The following ORC3 variants were observed in gnomAD, a reference collection of about 807,000 sequenced individuals.
ORC3 encodes the protein homolog of latheo, Drosophila.
ORC3 carries 78 observed loss-of-function variants against 100.7 expected under a neutral mutation model. The ratio of observed to expected loss-of-function variants is 0.77; its 90% CI spans 0.65 to 0.94. The LOEUF is 0.94. Ranked by LOEUF, ORC3 falls within the 40% of genes least tolerant of loss-of-function variation. The pLI is 0.00. For missense variants in ORC3, 789 were observed against 823.9 expected (o/e 0.96, Z 0.52); for synonymous variants, 295 against 289.3 (o/e 1.02, Z -0.20).
At chr6:87,672,683 C>G in the ORC3 span, among the ~76,000 whole-genome samples, 1 of 152,156 alleles carries the variant, frequency 6.6e-6, no homozygotes, top group Non-Finnish European at 1.5e-5. Context: ...CCCCTCCCAC[C>G]AATTGTCTAA....
intron 7 of ORC3, among the ~76,000 whole-genome samples, chr6:87,610,491 G>C (rs1024076561): frequency 6.6e-6 from 1 of 151,844 alleles, no homozygotes; most frequent in Non-Finnish European, 1.5e-5. Flanking sequence ...AAAGTGCTAG[G>C]ATTACAGACA....
chr6:87,673,391 C>CAATTGTGGG, the ORC3 span, among the ~76,000 whole-genome samples: 132 of 152,086 alleles, frequency 8.7e-4, 2 homozygotes, highest in African/African-American at 3.2e-3. Context: ...TTGGTTATCA[C>CAATTGTGGG]AATTGTGGGA....
intron 1 of ORC3, among the ~76,000 whole-genome samples, chr6:87,592,375 A>G (rs1386014785): frequency 6.6e-6 from 1 of 152,200 alleles, no homozygotes; most frequent in Non-Finnish European, 1.5e-5. Context: ...TCATGCCTGT[A>G]ATCCCAACAC....
chr6:87,595,579 C>A (rs1290330333), intron 2 of ORC3: 1 of 152,152 alleles, frequency 6.6e-6, no homozygotes, highest in Non-Finnish European at 1.5e-5. Flanking sequence ...CCCAGATTTC[C>A]TCTCTTAGTC....
In ORC3 at chr6:87,607,689, G is replaced by T; in HGVS notation, c.444G>T (p.Leu148Phe). ...ATTCCACAGATATGAAACATTTTTTGCAAAAGTTGATCTCACAGTTGATGG... is the reference window on the plus strand; with the variant it reads ...ATTCCACAGATATGAAACATTTTTTTCAAAAGTTGATCTCACAGTTGATGG... The part of the protein sequence containing the change: ...AKDCPDMKHF[L>F]QKLISQLMDC... The change falls in exon 6 of 20, where the codon TTG (leucine) becomes TTT (phenylalanine). Residue 148 changes from leucine (L) to phenylalanine (F), a missense_variant. Leu to Phe is a conservative substitution (Grantham distance 22). Transcript: ENST00000392844. 1 of 1,597,722 alleles carries T rather than the reference G, an allele frequency of 6.3e-7. No homozygotes were observed. Among genetic ancestry groups the T allele is most frequent in the East Asian group, 2.2e-5 (1 of 44,526 alleles).
intron 11 of ORC3, among the ~76,000 whole-genome samples, chr6:87,633,287 A>G (rs1767569256): frequency 6.6e-6 from 1 of 152,244 alleles, no homozygotes. Context: ...TCTGTATGTT[A>G]TGGCTCACAG....
chr6:87,659,256 G>T (rs567026126), intron 16 of ORC3, among the ~76,000 whole-genome samples: 2 of 151,598 alleles, frequency 1.3e-5, no homozygotes, highest in Non-Finnish European at 2.9e-5. Flanking sequence ...TAGAGACGGG[G>T]TTTCACCATG....
chr6:87,646,325 A>G (rs1412015090), intron 13 of ORC3, among the ~76,000 whole-genome samples: 1 of 149,362 alleles, frequency 6.7e-6, no homozygotes, highest in Non-Finnish European at 1.5e-5. Flanking sequence ...TGGGATAAAG[A>G]TAAATCGCTC....
downstream of ORC3, among the ~76,000 whole-genome samples, chr6:87,671,390 G>A (rs1770828195): frequency 1.3e-5 from 2 of 152,044 alleles, no homozygotes; most frequent in African/African-American, 4.8e-5. Flanking sequence ...GAATGGAGTG[G>A]CCATTAAGTG....
the ORC3 span, among the ~76,000 whole-genome samples, chr6:87,676,596 A>AACACACGCACGCGCGCACACACACACAC: frequency 7.0e-6 from 1 of 142,046 alleles, no homozygotes; most frequent in African/African-American, 2.7e-5. Flanking sequence ...CTCTACTAAA[A>AACACACGCACGCGCGCACACACACACAC]ACACACACAC....
At chr6:87,618,428 A>G (rs1254138303) in intron 9 of ORC3, among the ~76,000 whole-genome samples, 1 of 151,960 alleles carries the variant, frequency 6.6e-6, no homozygotes, top group Non-Finnish European at 1.5e-5. Context: ...AAAAAAAAAA[A>G]AGAAATCTCT....
intron 3 of ORC3, among the ~76,000 whole-genome samples, chr6:87,602,290 C>G (rs984854187): frequency 1.3e-5 from 2 of 152,134 alleles, no homozygotes; most frequent in Non-Finnish European, 2.9e-5. Flanking sequence ...TTTATGATAG[C>G]TGTTAAGGCA....
chr6:87,602,954 A>ATTTATATATATATAT (rs1554236515), intron 3 of ORC3, among the ~76,000 whole-genome samples: 24 of 95,246 alleles, frequency 2.5e-4, no homozygotes, highest in Admixed American at 4.2e-4. Flanking sequence ...ACACATATAT[A>ATTTATATATATATAT]ATATATATAT....
intron 19 of ORC3, among the ~76,000 whole-genome samples, chr6:87,666,712 TACAGGTGTGAGCC>T (rs1770672909): frequency 6.6e-6 from 1 of 152,184 alleles, no homozygotes; most frequent in Non-Finnish European, 1.5e-5. Context: ...GTGCTGGGAT[TACAGGTGTGAGCC>T]ACTGACCTGG....
chr6:87,631,555 C>T (rs577378574), intron 11 of ORC3, among the ~76,000 whole-genome samples: 34 of 152,118 alleles, frequency 2.2e-4, no homozygotes, highest in South Asian at 1.7e-3. Flanking sequence ...TGCAACAGCG[C>T]GATCTTGGCT....
intron 11 of ORC3, among the ~76,000 whole-genome samples, chr6:87,626,138 C>A (rs1779882768): frequency 1.3e-5 from 2 of 152,130 alleles, no homozygotes; most frequent in Admixed American, 1.3e-4. Flanking sequence ...CAGCTTTGTT[C>A]TTTTTGCTTA....
Position 87,603,409 on chromosome 6 carries a change from A to G in ORC3, c.203A>G (p.Asn68Ser). ...NERLQEELNK[N>S]LFDNLIEFLQ... ...CGACTACAAGAGGAATTAAATAAAAACTTGTTTGACAATCTGATTGAATTT... is the reference window on the plus strand; with the variant it reads ...CGACTACAAGAGGAATTAAATAAAAGCTTGTTTGACAATCTGATTGAATTT... The change falls in exon 4 of 20, where the codon AAC becomes AGC. Residue 68 changes from asparagine to serine, a missense_variant. Coordinates refer to ENST00000392844, the MANE Select transcript of ORC3 (RefSeq NM_012381.4). The G allele has an allele frequency of 6.6e-7, 1 of 1,513,082 alleles. No individual in the cohort carries two copies. Among genetic ancestry groups the G allele is most frequent in the South Asian group, 1.3e-5 (1 of 76,358 alleles). The allele number at this position is 1,513,082 out of a possible 1,614,324, so 93.7% of individuals were successfully genotyped here. A position where few individuals can be genotyped will look rare whatever the true frequency, so the allele number is the denominator to read the frequency against.
At chr6:87,629,210 C>G (rs1276678824) in intron 11 of ORC3, among the ~76,000 whole-genome samples, 1 of 152,106 alleles carries the variant, frequency 6.6e-6, no homozygotes, top group Non-Finnish European at 1.5e-5. Flanking sequence ...TGAGAAAATT[C>G]TGTGTTCTTA....
intron 9 of ORC3, among the ~76,000 whole-genome samples, chr6:87,618,314 G>A (rs1403520706): frequency 6.6e-6 from 1 of 151,998 alleles, no homozygotes; most frequent in Non-Finnish European, 1.5e-5. Flanking sequence ...GGGGGCTGAG[G>A]CAGGAGATCA....
Sources: gnomAD v4.1 joint callset for allele counts (sites outside exome capture counted in the v4.1 genomes callset) on GRCh38, gnomAD v4.1.1 for gene constraint, MANE v1.5 for transcripts, NCBI Gene and HGNC (gene_info 2026-07-23, HGNC 2026-07-21) for gene names.